Variants in CSNK1E observed in about 807,000 individuals in gnomAD.
CSNK1E encodes the protein casein kinase I isoform epsilon.
CSNK1E carries 17 observed loss-of-function variants against 46.1 expected under a neutral mutation model. The observed-to-expected ratio is 0.37, with a 90% CI of 0.25 to 0.55. The LOEUF is 0.55. CSNK1E is among the 20% of genes least tolerant of loss of function. The pLI is 0.82. For missense variants in CSNK1E, 386 were observed against 595.4 expected, an observed-to-expected ratio of 0.65 and a Z score of 3.66; for synonymous variants, 241 against 242.6, an observed-to-expected ratio of 0.99 and a Z score of 0.06.
intron 4 of CSNK1E, among the ~76,000 whole-genome samples, chr22:38,301,705 A>AT (rs2092673630): frequency 6.6e-6 from 1 of 152,174 alleles, no homozygotes; most frequent in South Asian, 2.1e-4. Context: ...AAGTGCTGGG[A>AT]TTACAGACTT....
intron 1 of CSNK1E, among the ~76,000 whole-genome samples, chr22:38,315,344 C>G (rs2092739626): frequency 6.6e-6 from 1 of 152,254 alleles, no homozygotes; most frequent in African/African-American, 2.4e-5. Context: ...CCAGGAGAGA[C>G]AGGGAACCCC....
intron 2 of CSNK1E, among the ~76,000 whole-genome samples, chr22:38,313,151 T>C (rs945505286): frequency 2.0e-5 from 3 of 152,152 alleles, no homozygotes; most frequent in African/African-American, 7.2e-5. Flanking sequence ...AACCCCGAAG[T>C]TCTGAGCTGA....
At position 38,299,634 on chromosome 22, in the gene CSNK1E, C is replaced by G. The variant is rs1197300602; in HGVS notation, c.736+261G>C. On this transcript the variant is annotated intron_variant, in intron 6 of 10. Coordinates refer to ENST00000396832, the MANE Select transcript of CSNK1E (RefSeq NM_152221.3). The stretch of plus-strand genomic sequence containing the variant: ...CGCTTCCCAGGTTCAAGCAATTCTC[C>G]TGCCTCAGCCTCCTGAGTAGCTGGG... Among the ~76,000 whole-genome samples the G allele has an allele frequency of 1.3e-5, 2 of 152,248 alleles. 1 individual carries two copies. The highest frequency in any genetic ancestry group is 1.3e-4 in the Admixed American group (2 of 15,288).
Position 38,310,161 on chromosome 22 carries a change from C to T in CSNK1E, c.76+3921G>A, listed in dbSNP as rs372452749. ...CCTGGCAGAGGCTGTGTCTGGGAGC[C>T]GGCTGAGCATAGATGCAGGGGTGCC... On this transcript the variant is annotated intron_variant, in intron 2 of 10. Coordinates refer to ENST00000396832, the MANE Select transcript of CSNK1E (RefSeq NM_152221.3). Among the ~76,000 whole-genome samples the T allele has an allele frequency of 8.5e-5, 13 of 152,270 alleles. No individual in the cohort carries two copies. In the South Asian group the frequency reaches 1.4e-3, roughly 17 times the overall value.
chr22:38,296,688 T>G, intron 7 of CSNK1E: 3 of 1,611,308 alleles, frequency 1.9e-6, no homozygotes, highest in South Asian at 2.2e-5. Flanking sequence ...GCTCCTGGCC[T>G]GGTTGGAAAA....
At chr22:38,307,483 G>A (rs550290676) in intron 2 of CSNK1E, among the ~76,000 whole-genome samples, 7 of 151,560 alleles carry the variant, frequency 4.6e-5, no homozygotes, top group Non-Finnish European at 8.8e-5. Flanking sequence ...CCTGGGAGGC[G>A]GAGGTTGCAG....
At chr22:38,296,984 G>A (rs2092644299) in intron 7 of CSNK1E, 1 of 637,308 alleles carries the variant, frequency 1.6e-6, no homozygotes. Context: ...ATGTTGGCCA[G>A]GCTGGTCTTA....
At chr22:38,312,815 C>T (rs1158024974) in intron 2 of CSNK1E, among the ~76,000 whole-genome samples, 2 of 152,198 alleles carry the variant, frequency 1.3e-5, no homozygotes, top group African/African-American at 2.4e-5. Context: ...TTCCCACAGC[C>T]ACACAAAGCC....
intron 2 of CSNK1E, among the ~76,000 whole-genome samples, chr22:38,313,684 G>C (rs1028037856): frequency 2.0e-5 from 3 of 152,164 alleles, no homozygotes; most frequent in African/African-American, 7.2e-5. Context: ...ACATAGAGAG[G>C]GGGGCCTGGC....
At chr22:38,296,676 G>A in intron 7 of CSNK1E, 3 of 1,612,620 alleles carry the variant, frequency 1.9e-6, no homozygotes, top group Non-Finnish European at 2.5e-6. Flanking sequence ...GGGTGGAGAG[G>A]TGCTCCTGGC....
rs776468736 is a variant in CSNK1E, at chr22:38,294,165, C to T, written c.1162G>A (p.Val388Ile). Residue 388 changes from valine to isoleucine, a missense_variant, in exon 9 of 11, where the codon GTC becomes ATC. Val to Ile is a conservative substitution (Grantham distance 29). This residue lies in a region of CSNK1E where 174 missense variants were observed against 185.2 expected (regional missense o/e 0.94). Transcript: ENST00000396832. This position sits in a 1 kb window ranked among gnomAD's most constrained non-coding sequence, Gnocchi z 5.5. The stretch of plus-strand genomic sequence containing the variant: ...CGCCCAGTGAGGTCTGAGGAGGAGA[C>T]GTTGGCGGGCGCACCCCTGTGCAGC... The part of the protein sequence containing the change: ...MRLHRGAPAN[V>I]SSSDLTGRQE... The T allele has an allele frequency of 1.6e-5, 25 of 1,612,032 alleles. No individual in the cohort carries two copies. In the Admixed American group the frequency reaches 2.2e-4, roughly 14 times the overall value.
chr22:38,318,065 G>A (rs1158848770), upstream of CSNK1E: 1 of 152,174 alleles, frequency 6.6e-6, no homozygotes, highest in Non-Finnish European at 1.5e-5. Flanking sequence ...GGCACAGAGA[G>A]GACCCCTCAG....
At position 38,294,505 on chromosome 22, in the gene CSNK1E, G is replaced by T; in HGVS notation, c.915C>A (p.Asp305Glu). Residue 305 changes from aspartate to glutamate, a missense_variant, in exon 8 of 11, where the codon GAC becomes GAA. Asp to Glu is a conservative substitution (Grantham distance 45, BLOSUM62 2). Coordinates refer to ENST00000396832, the MANE Select transcript of CSNK1E (RefSeq NM_152221.3). The surrounding 1 kb of genome is among the most constrained non-coding windows in gnomAD (Gnocchi z 5.5). ...FGAARNPEDV[D>E]RERREHEREE... ...CGCGTTCGTGTTCTCGCCGCTCCCG[G>T]TCCACATCCTCGGGATTCCGGGCTG... 10 of 1,596,296 alleles carry T rather than the reference G, an allele frequency of 6.3e-6. No individual in the cohort carries two copies. The highest frequency in any genetic ancestry group is 8.5e-6 in the Non-Finnish European group (10 of 1,172,622).
At chr22:38,317,789 A>G (rs1198957189), upstream of CSNK1E, among the ~76,000 whole-genome samples, 1 of 152,152 alleles carries the variant, frequency 6.6e-6, no homozygotes, top group Non-Finnish European at 1.5e-5. Context: ...TCTCCTCTCC[A>G]GGCAGAGCAC....
chr22:38,294,844 T>A lies in CSNK1E; in HGVS notation c.886-310A>T, dbSNP rs962298038. On this transcript the variant is annotated intron_variant, in intron 7 of 10. Coordinates refer to ENST00000396832, the MANE Select transcript of CSNK1E (RefSeq NM_152221.3). This position sits in a 1 kb window ranked among gnomAD's most constrained non-coding sequence, Gnocchi z 5.5. ...CGCCCAGGATGATCAAGAGCACCTC[T>A]TGGCCCTCCTGACCTGGGGCTGGGC... Among the ~76,000 whole-genome samples the A allele has an allele frequency of 6.6e-6, 1 of 152,180 alleles. No homozygotes were observed. Among genetic ancestry groups the A allele is most frequent in the Non-Finnish European group, 1.5e-5 (1 of 68,026 alleles).
At chr22:38,302,316 G>A (rs2092677093) in intron 4 of CSNK1E, among the ~76,000 whole-genome samples, 1 of 152,180 alleles carries the variant, frequency 6.6e-6, no homozygotes. Flanking sequence ...GACCAGCCTG[G>A]TCAACACAGT....
chr22:38,290,796 C>G lies in CSNK1E; in HGVS notation c.*1175G>C, dbSNP rs1569072348. On this transcript the variant is annotated 3_prime_UTR_variant, in exon 11 of 11. Transcript: ENST00000396832. ...AAAGTACAAAATTCCCCCCAAAGTT[C>G]TTCAGTTTTTTTTTTTTCAGTTTTT... The G allele has an allele frequency of 6.8e-6, 1 of 147,016 alleles. No individual in the cohort carries two copies. Among genetic ancestry groups the G allele is most frequent in the Non-Finnish European group, 1.5e-5 (1 of 67,128 alleles). 9.1% of individuals were successfully genotyped at this position (147,016 alleles called of 1,614,324 possible). A position where few individuals can be genotyped will look rare whatever the true frequency, so the allele number is the denominator to read the frequency against.
intron 2 of CSNK1E, among the ~76,000 whole-genome samples, chr22:38,306,001 T>A (rs1030087150): frequency 6.6e-6 from 1 of 152,116 alleles, no homozygotes; most frequent in Non-Finnish European, 1.5e-5. Flanking sequence ...ACAACCCAAA[T>A]GTCCCTCCTG....
intron 2 of CSNK1E, among the ~76,000 whole-genome samples, chr22:38,310,413 G>A (rs1387931648): frequency 6.6e-6 from 1 of 152,158 alleles, no homozygotes; most frequent in South Asian, 2.1e-4. Flanking sequence ...CAGACACATG[G>A]ACACAATCGG....
Sources: gnomAD v4.1 joint callset for allele counts (sites outside exome capture counted in the v4.1 genomes callset) on GRCh38, gnomAD v4.1.1 for gene constraint, gnomAD v4.1.1 regional missense constraint, Gnocchi (gnomAD v3.1) non-coding constraint, MANE v1.5 for transcripts, NCBI Gene and HGNC (gene_info 2026-07-23, HGNC 2026-07-21) for gene names.